The following LSM7 variants were observed in gnomAD, a reference collection of about 807,000 sequenced individuals.
The protein encoded by LSM7 is U6 snRNA-associated Sm-like protein LSm7.
Under a neutral mutation model 14.1 loss-of-function variants are expected in LSM7, and 13 were observed. The ratio of observed to expected loss-of-function variants is 0.92; its 90% CI spans 0.60 to 1.47. The LOEUF is 1.47. Among genes scored for constraint, LSM7 ranks in the 40% most tolerant of loss-of-function variants. The pLI is 0.00. For missense variants in LSM7, 108 were observed against 140.8 expected (o/e 0.77, Z 1.18); for synonymous variants, 70 against 57.1 (o/e 1.23, Z -1.02).
At chr19:2,326,532 T>C (rs112025820) in intron 2 of LSM7, among the ~76,000 whole-genome samples, 42 of 152,268 alleles carry the variant, frequency 2.8e-4, no homozygotes, top group African/African-American at 9.9e-4. Flanking sequence ...GATGGGGCCT[T>C]GCCATGTAGG....
intron 3 of LSM7, among the ~76,000 whole-genome samples, chr19:2,323,110 ATGGGGACTTGCCAGC>A (rs1599178159): frequency 6.6e-6 from 1 of 151,922 alleles, no homozygotes; most frequent in South Asian, 2.1e-4. Context: ...CCGGGCCGGG[ATGGGGACTTGCCAGC>A]TGGGGACTTG....
intron 2 of LSM7, among the ~76,000 whole-genome samples, chr19:2,326,668 G>A (rs561209651): frequency 6.6e-5 from 10 of 152,308 alleles, no homozygotes; most frequent in Admixed American, 4.6e-4. Flanking sequence ...ATGGGGTTTC[G>A]CCATGTTGGC....
chr19:2,327,576 G>T (rs907639671), intron 2 of LSM7, among the ~76,000 whole-genome samples: 8 of 151,280 alleles, frequency 5.3e-5, no homozygotes, highest in Admixed American at 5.3e-4. Context: ...CTTGCTCTGT[G>T]GCCCAGGCTG....
In LSM7 at chr19:2,324,263, C is replaced by A. The variant is rs1599179033; in HGVS notation, c.98-67G>T. 5.6e-6 allele frequency: 7 copies of A among 1,241,858 alleles called. No homozygotes were observed. In the East Asian group the frequency reaches 1.3e-4, roughly 22 times the overall value. The allele number at this position is 1,241,858 out of a possible 1,614,324, so 76.9% of individuals were successfully genotyped here. A position where few individuals can be genotyped will look rare whatever the true frequency, so the allele number is the denominator to read the frequency against. On this transcript the variant is annotated intron_variant, in intron 2 of 3. Coordinates refer to ENST00000252622, the MANE Select transcript of LSM7 (RefSeq NM_016199.3). ...ATCCGTCCTGGGCGCAGGGCCCGCC[C>A]CAGCATGGCCCAGGTATGGGGCTAA...
intron 2 of LSM7, among the ~76,000 whole-genome samples, chr19:2,326,550 G>C (rs1968022207): frequency 6.6e-6 from 1 of 152,184 alleles, no homozygotes; most frequent in East Asian, 1.9e-4. Context: ...AGGCCAGGCT[G>C]GTCTCAAACT....
chr19:2,327,710 G>C (rs983092652), intron 2 of LSM7, among the ~76,000 whole-genome samples: 1 of 152,166 alleles, frequency 6.6e-6, no homozygotes, highest in Non-Finnish European at 1.5e-5. Flanking sequence ...CTGGGGCACT[G>C]TGATTTTTAA....
intron 2 of LSM7, among the ~76,000 whole-genome samples, chr19:2,327,256 A>C (rs746433835): frequency 3.3e-5 from 5 of 152,180 alleles, no homozygotes; most frequent in Non-Finnish European, 5.9e-5. Flanking sequence ...CATTTTATTC[A>C]TATTCCTTTT....
chr19:2,322,009 CT>C (rs2145120066), intron 3 of LSM7, among the ~76,000 whole-genome samples, 187 bp from the exon 4 acceptor site: 1 of 152,340 alleles, frequency 6.6e-6, no homozygotes, highest in East Asian at 1.9e-4. Context: ...CCCATGGCCC[CT>C]AGAGACCAGT....
intron 2 of LSM7, among the ~76,000 whole-genome samples, chr19:2,326,928 G>A (rs556801506): frequency 7.5e-4 from 114 of 152,308 alleles, no homozygotes; most frequent in Non-Finnish European, 1.2e-3. Flanking sequence ...AGCCAACACT[G>A]GCCAGAACGG....
At chr19:2,323,544 A>G (rs935894814) in intron 3 of LSM7, among the ~76,000 whole-genome samples, 17 of 152,174 alleles carry the variant, frequency 1.1e-4, no homozygotes, top group South Asian at 2.1e-4. Flanking sequence ...TCCGCCTCCC[A>G]GGTTCAAGCG....
chr19:2,322,097 G>A (rs1310343533), intron 3 of LSM7, among the ~76,000 whole-genome samples: 2 of 152,296 alleles, frequency 1.3e-5, no homozygotes, highest in Admixed American at 6.5e-5. Flanking sequence ...GGTGATAGCC[G>A]GCTACCCCGC....
intron 2 of LSM7, among the ~76,000 whole-genome samples, chr19:2,326,370 C>G (rs1393743503): frequency 7.2e-6 from 1 of 138,694 alleles, no homozygotes; most frequent in Non-Finnish European, 1.6e-5. Flanking sequence ...GAGATGGAGT[C>G]TTGCTCTGTC....
intron 2 of LSM7, 134 bp from the exon 3 acceptor site, chr19:2,324,330 G>A (rs191935431): frequency 3.4e-5 from 24 of 697,728 alleles, no homozygotes; most frequent in Admixed American, 1.1e-4. Context: ...GAGGGCTCCC[G>A]GGAGTGGCCG....
At chr19:2,323,898 T>C (rs1168176458) in intron 3 of LSM7, among the ~76,000 whole-genome samples, 3 of 152,220 alleles carry the variant, frequency 2.0e-5, no homozygotes, top group Non-Finnish European at 4.4e-5. Context: ...CAATGGGGTT[T>C]CCTGCTTTGT....
intron 3 of LSM7, among the ~76,000 whole-genome samples, chr19:2,322,284 A>G (rs1967946438): frequency 6.6e-6 from 1 of 152,212 alleles, no homozygotes; most frequent in Non-Finnish European, 1.5e-5. Context: ...TCACGCCTGT[A>G]ATCCCAGCAC....
intron 3 of LSM7, among the ~76,000 whole-genome samples, chr19:2,322,107 C>T (rs1443260917): frequency 6.6e-6 from 1 of 152,196 alleles, no homozygotes; most frequent in Non-Finnish European, 1.5e-5. Context: ...GGCTACCCCG[C>T]GTCTCAGAGC....
chr19:2,325,834 GC>G (rs1311817029), intron 2 of LSM7: 1 of 152,308 alleles, frequency 6.6e-6, no homozygotes, highest in East Asian at 1.9e-4. Context: ...GGGCTGCAAA[GC>G]TAAAGATATT....
At chr19:2,325,540 C>A (rs1417145799) in intron 2 of LSM7, among the ~76,000 whole-genome samples, 3 of 152,092 alleles carry the variant, frequency 2.0e-5, no homozygotes, top group African/African-American at 7.2e-5. Flanking sequence ...CAGGCACCAC[C>A]AATCTCGGGA....
At chr19:2,328,192 C>T in intron 2 of LSM7, 195 bp downstream of exon 2, 2 of 557,940 alleles carry the variant, frequency 3.6e-6, no homozygotes, top group Non-Finnish European at 6.3e-6. Flanking sequence ...ATCACTTGAA[C>T]CTGGGAGGCG....
Sources: gnomAD v4.1 joint callset for allele counts (sites outside exome capture counted in the v4.1 genomes callset) on GRCh38, gnomAD v4.1.1 for gene constraint, MANE v1.5 for transcripts, NCBI Gene and HGNC (gene_info 2026-07-23, HGNC 2026-07-21) for gene names.